The following C4BPB variants were observed in gnomAD, a reference collection of about 807,000 sequenced individuals.
C4BPB encodes the protein C4b-binding protein beta chain.
Under a neutral mutation model 26.6 loss-of-function variants are expected in C4BPB, and 19 were observed. That is an observed-to-expected ratio of 0.71 (90% CI 0.50 to 1.05). The LOEUF is 1.05. Among genes scored for constraint, C4BPB ranks in the 50% least tolerant of loss-of-function variants. The pLI is 0.00. For missense variants in C4BPB, 282 were observed against 302.9 expected (o/e 0.93, Z 0.51); for synonymous variants, 118 against 103.5 (o/e 1.14, Z -0.85).
Position 207,090,333 on chromosome 1 carries a change from A to G in C4BPB, c.84A>G (p.Pro28=). The G allele has an allele frequency of 3.1e-6, 5 of 1,613,450 alleles. No individual in the cohort carries two copies. Among genetic ancestry groups the G allele is most frequent in the Non-Finnish European group, 4.2e-6 (5 of 1,179,746 alleles). The change falls in exon 3 of 7, where the codon CCA becomes CCG. Residue 28 remains proline (P), a synonymous_variant. Transcript: ENST00000367078. ...CAGAGCACTGTCCAGAGCTTCCTCCAGTGGACAATAGCATATTTGTCGCAA... is the reference window on the plus strand; with the variant it reads ...CAGAGCACTGTCCAGAGCTTCCTCCGGTGGACAATAGCATATTTGTCGCAA... ...SDAEHCPELP[P]VDNSIFVAKE...
At chr1:207,096,429 T>G (rs1425092039) in intron 4 of C4BPB, 93 bp from the exon 5 acceptor site, 2 of 780,422 alleles carry the variant, frequency 2.6e-6, no homozygotes, top group African/African-American at 1.7e-5. Flanking sequence ...TCTGAGGCTG[T>G]CAGGTGCTGG....
intron 1 of C4BPB, chr1:207,089,242 C>A: frequency 2.5e-6 from 1 of 392,566 alleles, no homozygotes. Flanking sequence ...GATTTGCATT[C>A]CCAGAAACCA....
intron 2 of C4BPB, among the ~76,000 whole-genome samples, chr1:207,089,912 T>C (rs1683956618): frequency 6.6e-6 from 1 of 152,166 alleles, no homozygotes; most frequent in Non-Finnish European, 1.5e-5. Context: ...GGGGACTATT[T>C]GTTTAGAAGT....
intron 4 of C4BPB, among the ~76,000 whole-genome samples, chr1:207,092,306 AAC>A (rs1036807846): frequency 5.3e-5 from 8 of 152,210 alleles, no homozygotes; most frequent in African/African-American, 1.9e-4. Flanking sequence ...ATTTAAAACA[AAC>A]ACACACAAAT....
chr1:207,096,448 G>T lies in C4BPB; in HGVS notation c.410-74G>T. On this transcript the variant is annotated intron_variant, in intron 4 of 6. Coordinates refer to ENST00000367078, the MANE Select transcript of C4BPB (RefSeq NM_001017365.3). ...AGGCTGTCAGGTGCTGGCATAAACA[G>T]CTGCAATTAGGGGTGCTGTTCATTG... 3 of 880,028 alleles carry T rather than the reference G, an allele frequency of 3.4e-6. No individual in the cohort carries two copies. The South Asian group carries it at 4.0e-5, about 12-fold the overall frequency. The allele number at this position is 880,028 out of a possible 1,614,324, so 54.5% of individuals were successfully genotyped here.
rs114764071 is a variant in C4BPB at position 207,099,438 on chromosome 1, C to T, written c.619-351C>T. ...TCCGTGGACCGGTACCGGTCTGTGG[C>T]CCTGGGGTTGGGGATCCCTGTTATA... is the stretch of plus-strand genomic sequence containing the variant. On this transcript the variant is annotated intron_variant, in intron 6 of 6. Transcript: ENST00000367078. Among the ~76,000 whole-genome samples the T allele has an allele frequency of 4.9e-3, 744 of 152,214 alleles. 2 individuals are homozygous for T. Among genetic ancestry groups the T allele is most frequent in the Non-Finnish European group, 8.9e-3 (602 of 67,998 alleles).
intron 4 of C4BPB, chr1:207,095,515 G>A (rs7529011): frequency 0.48 from 201,548 of 421,678 alleles, 50,914 homozygotes; most frequent in East Asian, 0.76. Flanking sequence ...TTTTAGTAGA[G>A]ACTGGGTTTC....
intron 6 of C4BPB, 106 bp downstream of exon 6, chr1:207,098,370 C>A: frequency 1.4e-6 from 1 of 699,336 alleles, no homozygotes; most frequent in Non-Finnish European, 2.4e-6. Flanking sequence ...GGACATTTTG[C>A]TTTTGAATGG....
intron 3 of C4BPB, 49 bp from the exon 4 acceptor site, chr1:207,091,595 T>C: frequency 6.5e-7 from 1 of 1,534,956 alleles, no homozygotes; most frequent in Non-Finnish European, 8.9e-7. Context: ...CTTTGCTGTG[T>C]TGGGCTTCAG....
chr1:207,095,069 C>T, intron 4 of C4BPB: 2 of 298,550 alleles, frequency 6.7e-6, no homozygotes, highest in Non-Finnish European at 1.3e-5. Flanking sequence ...AAATATACAC[C>T]CACATAATCA....
chr1:207,093,757 G>T (rs1057315925), intron 4 of C4BPB, among the ~76,000 whole-genome samples: 1 of 152,034 alleles, frequency 6.6e-6, no homozygotes, highest in Non-Finnish European at 1.5e-5. Context: ...AAGAAAATGG[G>T]CAGATTTAAT....
At chr1:207,098,325 C>A in intron 6 of C4BPB, 61 bp downstream of exon 6, 1 of 1,015,798 alleles carries the variant, frequency 9.8e-7, no homozygotes, top group Non-Finnish European at 1.6e-6. Context: ...TGGCATCACT[C>A]CTGGCATATG....
intron 6 of C4BPB, among the ~76,000 whole-genome samples, chr1:207,099,264 C>T (rs1286727537): frequency 6.6e-6 from 1 of 152,216 alleles, no homozygotes; most frequent in Non-Finnish European, 1.5e-5. Context: ...AGGTTTCACG[C>T]TCTTATGAGA....
intron 4 of C4BPB, among the ~76,000 whole-genome samples, chr1:207,092,054 G>T (rs1684049105): frequency 6.6e-6 from 1 of 152,120 alleles, no homozygotes; most frequent in Non-Finnish European, 1.5e-5. Context: ...CTCAGATAGG[G>T]GTCCTGTCCT....
chr1:207,089,990 G>A (rs149066211), intron 2 of C4BPB, among the ~76,000 whole-genome samples: 1 of 152,170 alleles, frequency 6.6e-6, no homozygotes, highest in Non-Finnish European at 1.5e-5. Flanking sequence ...TCGGAATTCC[G>A]GCCGGGCGCA....
chr1:207,098,382 T>G, intron 6 of C4BPB, 118 bp downstream of exon 6: 1 of 638,350 alleles, frequency 1.6e-6, no homozygotes. Flanking sequence ...TTTGAATGGG[T>G]TGGCCTTGGC....
At chr1:207,092,701 C>T (rs1214864969) in intron 4 of C4BPB, among the ~76,000 whole-genome samples, 1 of 144,470 alleles carries the variant, frequency 6.9e-6, no homozygotes, top group African/African-American at 2.6e-5. Context: ...GATCTCGGCT[C>T]ACTGCAACCT....
intron 4 of C4BPB, among the ~76,000 whole-genome samples, chr1:207,094,510 C>T (rs1684167431): frequency 6.6e-6 from 1 of 152,162 alleles, no homozygotes; most frequent in African/African-American, 2.4e-5. Flanking sequence ...TTCTTCCAAA[C>T]ATTTTCTGGT....
intron 6 of C4BPB, among the ~76,000 whole-genome samples, chr1:207,099,371 G>T (rs1684378733): frequency 6.6e-6 from 1 of 152,192 alleles, no homozygotes; most frequent in South Asian, 2.1e-4. Context: ...TTGCTTGCCT[G>T]CCCGCTGCTC....
Sources: gnomAD v4.1 joint callset for allele counts (sites outside exome capture counted in the v4.1 genomes callset) on GRCh38, gnomAD v4.1.1 for gene constraint, MANE v1.5 for transcripts, NCBI Gene and HGNC (gene_info 2026-07-23, HGNC 2026-07-21) for gene names.